Variants in PRKN observed in about 807,000 individuals in gnomAD.
The protein encoded by PRKN is parkin RBR E3 ubiquitin protein ligase.
PRKN carries 56 observed loss-of-function variants against 59.5 expected under a neutral mutation model. That is an observed-to-expected ratio of 0.94 (90% CI 0.76 to 1.18). PRKN has a LOEUF of 1.18. Among genes scored for constraint, PRKN ranks in the 50% most tolerant of loss-of-function variants. The pLI is 0.00. For missense variants in PRKN, 657 were observed against 596.4 expected (o/e 1.10, Z -1.06); for synonymous variants, 250 against 222.1 (o/e 1.13, Z -1.12).
At chr6:162,150,166 G>T (rs1782205470) in intron 4 of PRKN, among the ~76,000 whole-genome samples, 1 of 152,154 alleles carries the variant, frequency 6.6e-6, no homozygotes, top group Non-Finnish European at 1.5e-5. Flanking sequence ...ATAAATATGT[G>T]AGTAAATACA....
Position 162,402,565 on chromosome 6 carries a change from C to T in PRKN, c.171+40745G>A, listed in dbSNP as rs997713081. Reference sequence around the variant, plus strand: ...GGAAAAGTTAAAATATGTGTGTCCACTCAGCCTCCTTTAACTAAAGCACTA... The same window carrying T: ...GGAAAAGTTAAAATATGTGTGTCCATTCAGCCTCCTTTAACTAAAGCACTA... On this transcript the variant is annotated intron_variant, in intron 2 of 11. Coordinates refer to ENST00000366898, the MANE Select transcript of PRKN (RefSeq NM_004562.3). Among the ~76,000 whole-genome samples, 4 of 152,142 alleles carry T rather than the reference C, an allele frequency of 2.6e-5. No individual in the cohort carries two copies. The South Asian group carries it at 8.3e-4, about 32-fold the overall frequency.
intron 2 of PRKN, among the ~76,000 whole-genome samples, chr6:162,291,828 G>A (rs1174369308): frequency 6.6e-6 from 1 of 152,132 alleles, no homozygotes; most frequent in Non-Finnish European, 1.5e-5. Flanking sequence ...TTGGGATTTG[G>A]TCAGGAAATG....
chr6:162,579,273 A>G (rs1780686973), intron 1 of PRKN, among the ~76,000 whole-genome samples: 1 of 152,142 alleles, frequency 6.6e-6, no homozygotes, highest in South Asian at 2.1e-4. Context: ...CAAATCTTTT[A>G]TCTTCCATGC....
intron 6 of PRKN, among the ~76,000 whole-genome samples, chr6:161,815,847 C>T (rs1053761994): frequency 6.6e-6 from 1 of 152,158 alleles, no homozygotes; most frequent in African/African-American, 2.4e-5. Flanking sequence ...GAAAACTGTA[C>T]GACGGGTTCA....
At chr6:162,508,569 A>G (rs139517907) in intron 1 of PRKN, among the ~76,000 whole-genome samples, 209 of 152,292 alleles carry the variant, frequency 1.4e-3, no homozygotes, top group Admixed American at 2.4e-3. Context: ...TCATTTTCTG[A>G]GAGGCATCCC....
intron 1 of PRKN, among the ~76,000 whole-genome samples, chr6:162,610,070 G>A (rs976257485): frequency 6.6e-6 from 1 of 151,964 alleles, no homozygotes; most frequent in Admixed American, 6.6e-5. Flanking sequence ...GAGAAAGAAC[G>A]CTCTTACAAC....
chr6:162,231,848 T>C (rs1778433699), intron 3 of PRKN, among the ~76,000 whole-genome samples: 1 of 152,012 alleles, frequency 6.6e-6, no homozygotes, highest in Non-Finnish European at 1.5e-5. Flanking sequence ...AACAAGGCAA[T>C]CTCTCCCAGA....
rs112426128 is a variant in PRKN at position 161,904,925 on chromosome 6, G to A, written c.734+68377C>T. ...AGCCGTGGAGGTCAAGGTGTGGATG[G>A]CTCTGCTGCTGCATTCTTCCCCTCC... is the stretch of plus-strand genomic sequence containing the variant. On this transcript the variant is annotated intron_variant, in intron 6 of 11. Coordinates refer to ENST00000366898, the MANE Select transcript of PRKN (RefSeq NM_004562.3). Among the ~76,000 whole-genome samples, 281 of 152,208 alleles carry A rather than the reference G, an allele frequency of 1.8e-3. 1 individual carries two copies. Among genetic ancestry groups the A allele is most frequent in the African/African-American group, 6.6e-3 (274 of 41,540 alleles).
At chr6:162,373,916 C>T (rs1012325172) in intron 2 of PRKN, among the ~76,000 whole-genome samples, 4 of 152,072 alleles carry the variant, frequency 2.6e-5, no homozygotes, top group Admixed American at 1.3e-4. Context: ...AAATGATGTA[C>T]AGAAAATGGA....
At position 161,444,920 on chromosome 6, in the gene PRKN, A is replaced by C. The variant is rs1394112020; in HGVS notation, c.1084-58043T>G. Among the ~76,000 whole-genome samples the C allele has an allele frequency of 1.3e-5, 2 of 152,206 alleles. No individual in the cohort carries two copies. The highest frequency in any genetic ancestry group is 2.9e-5 in the Non-Finnish European group (2 of 68,036). ...TAGTTATTTATTTTTAAAAAAAGCC[A>C]GTACCTCTCCAGTCTTCATTTTCAT... On this transcript the variant is annotated intron_variant, in intron 9 of 11. Transcript: ENST00000366898. This position sits in a 1 kb window ranked among gnomAD's most constrained non-coding sequence, Gnocchi z 5.6.
chr6:161,886,027 T>A (rs1795136022), intron 6 of PRKN, among the ~76,000 whole-genome samples: 1 of 152,134 alleles, frequency 6.6e-6, no homozygotes, highest in Non-Finnish European at 1.5e-5. Flanking sequence ...ATGAATCTTC[T>A]CCAAACAAGT....
intron 1 of PRKN, among the ~76,000 whole-genome samples, chr6:162,703,177 AAATT>A (rs1192056070): frequency 1.3e-5 from 2 of 152,224 alleles, no homozygotes; most frequent in Non-Finnish European, 2.9e-5. Flanking sequence ...ATAAAAGTGA[AAATT>A]AAGCTATTGG....
intron 7 of PRKN, among the ~76,000 whole-genome samples, chr6:161,757,933 G>GTGTGTGTGTATATATATATA (rs1554301354): frequency 2.0e-5 from 2 of 101,432 alleles, no homozygotes; most frequent in African/African-American, 7.6e-5. Flanking sequence ...CTCTCTCTCT[G>GTGTGTGTGTATATATATATA]TATATATATG....
chr6:162,519,158 G>A (rs1049489279), intron 1 of PRKN, among the ~76,000 whole-genome samples: 6 of 152,054 alleles, frequency 3.9e-5, no homozygotes, highest in Non-Finnish European at 8.8e-5. Context: ...CAACAAGAGC[G>A]AAACTCCGTC....
intron 5 of PRKN, among the ~76,000 whole-genome samples, chr6:162,047,132 G>A (rs1784281258): frequency 6.6e-6 from 1 of 152,116 alleles, no homozygotes; most frequent in Non-Finnish European, 1.5e-5. Context: ...ATTCAATTTT[G>A]TTTAGAATTA....
intron 7 of PRKN, among the ~76,000 whole-genome samples, chr6:161,737,179 C>T (rs549637745): frequency 5.9e-5 from 9 of 152,278 alleles, no homozygotes; most frequent in South Asian, 4.1e-4. Flanking sequence ...GAGGGGCTGA[C>T]GGCGAGGTCC....
chr6:161,898,149 C>A (rs1232205517), intron 6 of PRKN, among the ~76,000 whole-genome samples: 1 of 151,878 alleles, frequency 6.6e-6, no homozygotes, highest in Non-Finnish European at 1.5e-5. Context: ...GTAATTGATA[C>A]TTTAAGCTGC....
intron 7 of PRKN, among the ~76,000 whole-genome samples, chr6:161,618,370 C>A (rs190478119): frequency 6.6e-6 from 1 of 152,022 alleles, no homozygotes; most frequent in Non-Finnish European, 1.5e-5. Flanking sequence ...GTGTTTTGCC[C>A]GGAAAGCCAC....
chr6:161,761,648 A>G (rs1299281197), intron 7 of PRKN, among the ~76,000 whole-genome samples: 1 of 152,218 alleles, frequency 6.6e-6, no homozygotes, highest in Non-Finnish European at 1.5e-5. Flanking sequence ...CTGAAATGTT[A>G]AAGGAAAGGC....
Sources: allele counts gnomAD v4.1 joint callset (sites outside exome capture counted in the v4.1 genomes callset), GRCh38; gene constraint gnomAD v4.1.1; non-coding constraint Gnocchi (gnomAD v3.1); transcripts MANE v1.5; gene names NCBI Gene and HGNC (gene_info 2026-07-23, HGNC 2026-07-21).